SORBS2: variants seen among roughly 807,000 people sequenced by gnomAD.
SORBS2 encodes the protein sorbin and SH3 domain-containing protein 2.
A neutral mutation model predicts 97.7 loss-of-function variants in SORBS2; 46 were observed. That is an observed-to-expected ratio of 0.47 (90% CI 0.37 to 0.60). SORBS2 has a LOEUF of 0.60. Ranked by LOEUF, SORBS2 falls within the 20% of genes least tolerant of loss-of-function variation. The pLI is 0.00. For missense variants in SORBS2, 1,316 were observed against 1,282.3 expected (o/e 1.03, Z -0.40); for synonymous variants, 476 against 473.4 (o/e 1.01, Z -0.07).
chr4:185,879,165 T>TCCCCCCC (rs1224668040), intron 1 of SORBS2, among the ~76,000 whole-genome samples: 2 of 57,178 alleles, frequency 3.5e-5, no homozygotes, highest in Admixed American at 1.5e-4. Context: ...ATGCTATCCC[T>TCCCCCCC]CCCCCCCCCC....
At chr4:185,604,790 A>G (rs1168131471) in intron 12 of SORBS2, among the ~76,000 whole-genome samples, 1 of 152,138 alleles carries the variant, frequency 6.6e-6, no homozygotes, top group Non-Finnish European at 1.5e-5. Context: ...TCATTTTCTC[A>G]TATATTTATA....
At chr4:185,586,746 A>G (rs965042618) in exon 15 of SORBS2, 3 of 152,566 alleles carry the variant, frequency 2.0e-5, no homozygotes, top group African/African-American at 7.2e-5. Context: ...TGCACCTCTC[A>G]CTAACACTGC....
intron 1 of SORBS2, among the ~76,000 whole-genome samples, chr4:185,809,965 G>A (rs1166684326): frequency 6.6e-6 from 1 of 152,192 alleles, no homozygotes; most frequent in African/African-American, 2.4e-5. Flanking sequence ...GTAAAGCTTT[G>A]AAGGAAATTA....
chr4:185,736,313 C>T (rs1445990395), intron 2 of SORBS2, among the ~76,000 whole-genome samples: 1 of 152,178 alleles, frequency 6.6e-6, no homozygotes, highest in East Asian at 1.9e-4. Context: ...GTGCTTTGCA[C>T]CTAAGGCAAT....
chr4:185,903,437 G>A (rs1038420377), intron 1 of SORBS2, among the ~76,000 whole-genome samples: 1 of 152,072 alleles, frequency 6.6e-6, no homozygotes, highest in African/African-American at 2.4e-5. Flanking sequence ...GGATACATGA[G>A]GCCAGTAGGA....
chr4:185,796,477 C>A (rs2099105160), intron 1 of SORBS2, among the ~76,000 whole-genome samples: 1 of 148,472 alleles, frequency 6.7e-6, no homozygotes. Context: ...CACGCTGCTC[C>A]CTGGTCACGG....
At chr4:185,700,311 C>T (rs1361156305) in intron 2 of SORBS2, among the ~76,000 whole-genome samples, 1 of 141,818 alleles carries the variant, frequency 7.1e-6, no homozygotes, top group Non-Finnish European at 1.5e-5. Flanking sequence ...GTGAGTCAGG[C>T]TGGCATGAAC....
intron 1 of SORBS2, among the ~76,000 whole-genome samples, chr4:185,905,530 C>T (rs1007114382): frequency 2.0e-5 from 3 of 152,154 alleles, no homozygotes; most frequent in Admixed American, 6.6e-5. Context: ...ACAGTCATAA[C>T]GGTATTCCAT....
At chr4:185,845,453 A>C (rs2099214040) in intron 1 of SORBS2, among the ~76,000 whole-genome samples, 1 of 152,242 alleles carries the variant, frequency 6.6e-6, no homozygotes, top group African/African-American at 2.4e-5. Context: ...AACAATAAAA[A>C]AATCTGTAAA....
intron 4 of SORBS2, chr4:185,677,396 T>C (rs1002953732): frequency 1.4e-5 from 21 of 1,552,196 alleles, no homozygotes; most frequent in Admixed American, 7.8e-5. Flanking sequence ...AAGCTGCTGG[T>C]AGTGGATTAG....
intron 2 of SORBS2, among the ~76,000 whole-genome samples, chr4:185,721,574 T>C (rs1192731241): frequency 6.6e-6 from 1 of 152,136 alleles, no homozygotes; most frequent in Non-Finnish European, 1.5e-5. Flanking sequence ...TCACATTCAG[T>C]TGGAATTTTG....
At chr4:185,628,808 C>A (rs2096859674) in intron 5 of SORBS2, among the ~76,000 whole-genome samples, 1 of 152,166 alleles carries the variant, frequency 6.6e-6, no homozygotes, top group East Asian at 1.9e-4. Flanking sequence ...ATTAAAGATT[C>A]CTTCCCCTCA....
chr4:185,923,845 C>T (rs562948240), intron 1 of SORBS2, among the ~76,000 whole-genome samples: 9 of 152,076 alleles, frequency 5.9e-5, no homozygotes, highest in Non-Finnish European at 1.3e-4. Context: ...TTTAAAAGAA[C>T]TAAAGAAGAA....
intron 1 of SORBS2, among the ~76,000 whole-genome samples, chr4:185,894,735 C>T (rs1312724101): frequency 1.3e-5 from 2 of 152,200 alleles, no homozygotes; most frequent in Non-Finnish European, 2.9e-5. Flanking sequence ...AGAGAGCTGC[C>T]ACCTCAGTCC....
intron 2 of SORBS2, among the ~76,000 whole-genome samples, chr4:185,709,520 GAA>G (rs1283758557): frequency 1.3e-5 from 2 of 151,868 alleles, no homozygotes; most frequent in Non-Finnish European, 2.9e-5. Context: ...CTTTTAAAAT[GAA>G]ATGAAAAAGA....
chr4:185,926,997 C>T (rs1304047295), intron 1 of SORBS2, among the ~76,000 whole-genome samples: 1 of 151,650 alleles, frequency 6.6e-6, no homozygotes, highest in East Asian at 1.9e-4. Flanking sequence ...TACTTTCCTC[C>T]TTCTTATTGA....
intron 4 of SORBS2, 66 bp from the exon 16 acceptor site, chr4:185,635,477 A>C (rs372663756): frequency 4.7e-4 from 546 of 1,166,544 alleles, no homozygotes; most frequent in Non-Finnish European, 6.6e-4. Context: ...AATGGCAGCA[A>C]GGAATGAACA....
At chr4:185,822,798 G>A (rs2099197535) in intron 1 of SORBS2, among the ~76,000 whole-genome samples, 1 of 152,162 alleles carries the variant, frequency 6.6e-6, no homozygotes, top group Non-Finnish European at 1.5e-5. Context: ...GTTTCAGAGT[G>A]CGCTCAGCAT....
At chr4:185,746,715 G>A (rs969111727) in intron 2 of SORBS2, among the ~76,000 whole-genome samples, 1 of 152,176 alleles carries the variant, frequency 6.6e-6, no homozygotes, top group African/African-American at 2.4e-5. Context: ...GTTGACACAT[G>A]GTGAGGAATA....
Sources: allele counts gnomAD v4.1 joint callset (sites outside exome capture counted in the v4.1 genomes callset), GRCh38; gene constraint gnomAD v4.1.1; transcripts MANE v1.5; gene names NCBI Gene and HGNC (gene_info 2026-07-23, HGNC 2026-07-21).